The following SORCS3 variants were observed in gnomAD, a reference collection of about 807,000 sequenced individuals.
The protein encoded by SORCS3 is sortilin related VPS10 domain containing receptor 3.
Under a neutral mutation model 146.3 loss-of-function variants are expected in SORCS3, and 57 were observed. The observed-to-expected ratio is 0.39, with a 90% CI of 0.31 to 0.49. The LOEUF (loss-of-function observed/expected upper bound fraction) is 0.49, where lower values mean the gene tolerates loss of function less well. Among genes scored for constraint, SORCS3 ranks in the 20% least tolerant of loss-of-function variants. SORCS3 has a pLI of 0.92. For missense variants in SORCS3, 1,341 were observed against 1,575.5 expected (o/e 0.85, Z 2.52); for synonymous variants, 653 against 618.5 (o/e 1.06, Z -0.83).
intron 7 of SORCS3, among the ~76,000 whole-genome samples, chr10:105,123,862 C>A (rs1167013757): frequency 6.6e-6 from 1 of 152,134 alleles, no homozygotes; most frequent in Non-Finnish European, 1.5e-5. Flanking sequence ...GAGATCAAGG[C>A]AAACACTAGT....
chr10:105,054,375 C>G (rs190349829), intron 5 of SORCS3, among the ~76,000 whole-genome samples: 1 of 151,286 alleles, frequency 6.6e-6, no homozygotes, highest in African/African-American at 2.4e-5. Context: ...TGAAATGCAG[C>G]CTTATTCAAT....
intron 4 of SORCS3, among the ~76,000 whole-genome samples, chr10:104,991,846 C>T (rs957708147): frequency 1.3e-5 from 2 of 152,108 alleles, no homozygotes; most frequent in African/African-American, 4.8e-5. Flanking sequence ...TTAGGGCCTG[C>T]TCTAATAACC....
intron 1 of SORCS3, among the ~76,000 whole-genome samples, chr10:104,646,294 C>T (rs2015494833): frequency 1.3e-5 from 2 of 152,142 alleles, no homozygotes; most frequent in South Asian, 4.1e-4. Flanking sequence ...TTAATGATTA[C>T]AGAAATGCAG....
At chr10:105,067,722 T>C (rs2055531397) in intron 5 of SORCS3, among the ~76,000 whole-genome samples, 5 of 152,348 alleles carry the variant, frequency 3.3e-5, no homozygotes, top group Admixed American at 2.0e-4. Flanking sequence ...CACCTCCTAA[T>C]GGCCAAATCC....
In SORCS3 at chr10:105,167,272, G is replaced by C; in HGVS notation, c.1824G>C (p.Glu608Asp). 1 of 1,612,850 alleles carries C rather than the reference G, an allele frequency of 6.2e-7. No individual in the cohort carries two copies. The highest frequency in any genetic ancestry group is 8.5e-7 in the Non-Finnish European group (1 of 1,179,072). Reference protein sequence around the residue: ...GNTWRQIFDEEYNVWFLDWGG... With the variant: ...GNTWRQIFDEDYNVWFLDWGG... ...TGTTGTTCCAGATCTTTGATGAAGA[G>C]TACAATGTCTGGTTCCTAGACTGGG... is the stretch of plus-strand genomic sequence containing the variant. Residue 608 changes from glutamate to aspartate, a missense_variant, in exon 13 of 27, where the codon GAG becomes GAC. Coordinates refer to ENST00000369701, the MANE Select transcript of SORCS3 (RefSeq NM_014978.3).
chr10:104,822,214 G>A, intron 1 of SORCS3: 1 of 415,188 alleles, frequency 2.4e-6, no homozygotes, highest in Non-Finnish European at 4.8e-6. Flanking sequence ...CACGTTGTCT[G>A]TTTCTTATCA....
At chr10:104,740,489 G>GT (rs1252908859) in intron 1 of SORCS3, among the ~76,000 whole-genome samples, 1 of 152,138 alleles carries the variant, frequency 6.6e-6, no homozygotes, top group Non-Finnish European at 1.5e-5. Context: ...GGATCCCCTT[G>GT]TTTATGTTCT....
At chr10:104,724,920 A>C (rs2016605299) in intron 1 of SORCS3, among the ~76,000 whole-genome samples, 1 of 152,122 alleles carries the variant, frequency 6.6e-6, no homozygotes, top group South Asian at 2.1e-4. Context: ...CATGAGTTCG[A>C]ACTTCCTCCT....
intron 1 of SORCS3, among the ~76,000 whole-genome samples, chr10:104,740,334 C>CAAAAGTA (rs2016826803): frequency 6.6e-6 from 1 of 152,162 alleles, no homozygotes; most frequent in South Asian, 2.1e-4. Flanking sequence ...GAAGGCTTCT[C>CAAAAGTA]AAAAGTAGGA....
At chr10:104,784,540 G>T (rs75001605) in intron 1 of SORCS3, among the ~76,000 whole-genome samples, 2,683 of 152,288 alleles carry the variant, frequency 0.018, 41 homozygotes, top group Non-Finnish European at 0.029. Context: ...CAATGCAGAA[G>T]GAGATGCACC....
chr10:104,812,547 A>G (rs1332780899), intron 1 of SORCS3, among the ~76,000 whole-genome samples: 1 of 152,256 alleles, frequency 6.6e-6, no homozygotes. Context: ...TCCTCAAATA[A>G]TAACAATGCA....
chr10:104,786,757 C>A (rs987175281), intron 1 of SORCS3, among the ~76,000 whole-genome samples: 4 of 151,984 alleles, frequency 2.6e-5, no homozygotes, highest in Non-Finnish European at 5.9e-5. Context: ...GGTCTGTGAC[C>A]CACCTCCTGG....
At chr10:104,877,362 T>C (rs1363194007) in intron 2 of SORCS3, among the ~76,000 whole-genome samples, 1 of 152,194 alleles carries the variant, frequency 6.6e-6, no homozygotes, top group Non-Finnish European at 1.5e-5. Context: ...CAGTGATCAA[T>C]GTTTCTTGTT....
chr10:104,641,865 G>A lies in SORCS3; in HGVS notation c.538G>A (p.Asp180Asn). 1 of 1,581,654 alleles carries A rather than the reference G, an allele frequency of 6.3e-7. No individual in the cohort carries two copies. The highest frequency in any genetic ancestry group is 8.6e-7 in the Non-Finnish European group (1 of 1,167,848). Residue 180 changes from aspartate to asparagine, a missense_variant, in exon 1 of 27, where the codon GAC becomes AAC. Transcript: ENST00000369701. The surrounding 1 kb of genome is among the most constrained non-coding windows in gnomAD (Gnocchi z 6.4). ...APRAGGSAAE[D>N]LRLPSTSFAL... is the part of the protein sequence containing the mutation. ...GCGGGCTGGGGGGTCGGCGGCTGAA[G>A]ACCTCCGGCTGCCCAGCACCTCCTT...
At chr10:105,208,679 G>A (rs1399580803) in intron 16 of SORCS3, among the ~76,000 whole-genome samples, 1 of 150,484 alleles carries the variant, frequency 6.6e-6, no homozygotes. Context: ...AATCAAGAAT[G>A]TATGCTTTAA....
chr10:104,925,814 A>G (rs1444039394), intron 3 of SORCS3, among the ~76,000 whole-genome samples: 2 of 152,232 alleles, frequency 1.3e-5, no homozygotes, highest in East Asian at 3.8e-4. Flanking sequence ...ATCAGTTACT[A>G]CAGCCTTAAA....
intron 4 of SORCS3, among the ~76,000 whole-genome samples, chr10:104,977,905 T>C (rs1425151924): frequency 2.0e-5 from 3 of 151,912 alleles, no homozygotes; most frequent in Non-Finnish European, 4.4e-5. Context: ...CTAATTTTTG[T>C]ATTTTTAGTA....
At chr10:104,868,555 C>T (rs1019233196) in intron 2 of SORCS3, among the ~76,000 whole-genome samples, 2 of 152,206 alleles carry the variant, frequency 1.3e-5, no homozygotes, top group Admixed American at 6.5e-5. Context: ...CAGACTTTGT[C>T]CAACTAGTCC....
intron 25 of SORCS3, among the ~76,000 whole-genome samples, chr10:105,259,605 A>T (rs1166441617): frequency 6.6e-6 from 1 of 152,196 alleles, no homozygotes; most frequent in African/African-American, 2.4e-5. Flanking sequence ...TAATGTAATT[A>T]AAAATCATCA....
Sources: allele counts gnomAD v4.1 joint callset (sites outside exome capture counted in the v4.1 genomes callset), GRCh38; gene constraint gnomAD v4.1.1; non-coding constraint Gnocchi (gnomAD v3.1); transcripts MANE v1.5; gene names NCBI Gene and HGNC (gene_info 2026-07-23, HGNC 2026-07-21).